SLC1A7: variants seen among roughly 807,000 people sequenced by gnomAD.
SLC1A7 encodes the protein solute carrier family 1 member 7, also known as excitatory amino acid transporter 5.
SLC1A7 carries 40 observed loss-of-function variants against 47.7 expected under a neutral mutation model. That is an observed-to-expected ratio of 0.84 (90% CI 0.65 to 1.09). The LOEUF (loss-of-function observed/expected upper bound fraction) is 1.09, where lower values mean the gene tolerates loss of function less well. Among genes scored for constraint, SLC1A7 ranks in the 50% least tolerant of loss-of-function variants. SLC1A7 has a pLI of 0.00. For synonymous variants in SLC1A7, 323 were observed against 325.6 expected, an observed-to-expected ratio of 0.99 and a Z score of 0.09; for missense variants, 746 against 769.5, an observed-to-expected ratio of 0.97 and a Z score of 0.36.
chr1:53,132,231 T>A (rs1393247578), intron 2 of SLC1A7, among the ~76,000 whole-genome samples: 1 of 152,148 alleles, frequency 6.6e-6, no homozygotes, highest in Non-Finnish European at 1.5e-5. Context: ...CCCAATCTGC[T>A]TTTCTCAAGA....
At chr1:53,121,169 G>T (rs1236089414) in intron 2 of SLC1A7, among the ~76,000 whole-genome samples, 1 of 152,248 alleles carries the variant, frequency 6.6e-6, no homozygotes, top group Non-Finnish European at 1.5e-5. Context: ...GTCTAGTTTG[G>T]CTCTAGGTCC....
intron 5 of SLC1A7, among the ~76,000 whole-genome samples, chr1:53,100,354 A>C (rs12736018): frequency 0.35 from 30,864 of 88,912 alleles, 3,227 homozygotes; most frequent in Middle Eastern, 0.48. Flanking sequence ...ACACAACCCA[A>C]CTCAGTACAC....
At chr1:53,125,739 T>C (rs1361336174) in intron 2 of SLC1A7, among the ~76,000 whole-genome samples, 1 of 152,258 alleles carries the variant, frequency 6.6e-6, no homozygotes, top group East Asian at 1.9e-4. Flanking sequence ...CAAGGGGCAG[T>C]GTGCAGACTT....
At chr1:53,125,482 C>G (rs1193104068) in intron 2 of SLC1A7, among the ~76,000 whole-genome samples, 1 of 152,160 alleles carries the variant, frequency 6.6e-6, no homozygotes, top group Non-Finnish European at 1.5e-5. Flanking sequence ...AAGACTAAGA[C>G]CTGAGCCCCA....
At chr1:53,098,522 C>T (rs1644529257) in intron 5 of SLC1A7, among the ~76,000 whole-genome samples, 1 of 150,160 alleles carries the variant, frequency 6.7e-6, no homozygotes, top group Non-Finnish European at 1.5e-5. Flanking sequence ...TCAGAACACT[C>T]ATATGCCCTG....
At chr1:53,107,366 C>T (rs1295477307) in intron 3 of SLC1A7, among the ~76,000 whole-genome samples, 1 of 151,976 alleles carries the variant, frequency 6.6e-6, no homozygotes, top group Admixed American at 6.6e-5. Flanking sequence ...AAAGGACATT[C>T]GTGGAAAAAC....
At chr1:53,125,922 G>T (rs916506953) in intron 2 of SLC1A7, among the ~76,000 whole-genome samples, 3 of 152,216 alleles carry the variant, frequency 2.0e-5, no homozygotes, top group South Asian at 2.1e-4. Context: ...GACACACTGG[G>T]CTTCCTGCTA....
At chr1:53,133,443 G>C (rs951383666) in intron 2 of SLC1A7, among the ~76,000 whole-genome samples, 1 of 152,156 alleles carries the variant, frequency 6.6e-6, no homozygotes, top group Non-Finnish European at 1.5e-5. Flanking sequence ...TTCACAAAGG[G>C]GGGAGGTCCA....
intron 5 of SLC1A7, among the ~76,000 whole-genome samples, chr1:53,098,740 C>A (rs2150320596): frequency 6.6e-6 from 1 of 151,242 alleles, no homozygotes; most frequent in East Asian, 2.0e-4. Flanking sequence ...CGCCTCGATA[C>A]ACTCACATTG....
chr1:53,114,356 G>C (rs141936229), intron 3 of SLC1A7, among the ~76,000 whole-genome samples: 1 of 152,174 alleles, frequency 6.6e-6, no homozygotes, highest in Non-Finnish European at 1.5e-5. Context: ...GTTGAATCCT[G>C]TCTCCACTAC....
chr1:53,089,770 G>C (rs751083102), intron 9 of SLC1A7, 30 bp downstream of exon 9: 18 of 1,611,900 alleles, frequency 1.1e-5, no homozygotes, highest in Non-Finnish European at 1.4e-5. Flanking sequence ...CCCTCCCAGA[G>C]GGCTAGAGCT....
rs1644370683 is a variant in SLC1A7, at chr1:53,087,282, T to A, written c.*727A>T. The A allele has an allele frequency of 6.6e-6, 1 of 152,238 alleles. No homozygotes were observed. The highest frequency in any genetic ancestry group is 2.4e-5 in the African/African-American group (1 of 41,450). The allele number at this position is 152,238 out of a possible 1,614,324, so 9.4% of individuals were successfully genotyped here. ...TTGGACGCACAGGCCTTTGGGGAGT[T>A]CTGACACCAGGGCCCCATCGGCAGC... On this transcript the variant is annotated 3_prime_UTR_variant, in exon 11 of 11. Transcript: ENST00000371494.
At chr1:53,130,990 C>G (rs117988682) in intron 2 of SLC1A7, among the ~76,000 whole-genome samples, 10 of 152,288 alleles carry the variant, frequency 6.6e-5, no homozygotes, top group South Asian at 4.1e-4. Flanking sequence ...ATATCTCCCC[C>G]CTGAAGGTTT....
At chr1:53,120,917 G>A (rs146750890) in intron 2 of SLC1A7, among the ~76,000 whole-genome samples, 4 of 152,376 alleles carry the variant, frequency 2.6e-5, no homozygotes, top group East Asian at 1.9e-4. Context: ...GGAAGCTCCC[G>A]TAAGCATCCC....
At chr1:53,105,516 T>C (rs1644630831) in intron 4 of SLC1A7, among the ~76,000 whole-genome samples, 1 of 152,126 alleles carries the variant, frequency 6.6e-6, no homozygotes, top group African/African-American at 2.4e-5. Context: ...CCACACTTTT[T>C]CATCATGAAA....
At chr1:53,129,908 CACGA>C (rs1644924669) in intron 2 of SLC1A7, among the ~76,000 whole-genome samples, 3 of 151,750 alleles carry the variant, frequency 2.0e-5, no homozygotes, top group African/African-American at 7.3e-5. Flanking sequence ...CAAAGATGCA[CACGA>C]CCCTGCCCAC....
At chr1:53,135,571 T>A (rs1644984119) in intron 1 of SLC1A7, among the ~76,000 whole-genome samples, 1 of 152,098 alleles carries the variant, frequency 6.6e-6, no homozygotes, top group Non-Finnish European at 1.5e-5. Context: ...CCTTGCCCAA[T>A]AAGCTGTCTC....
At chr1:53,133,813 G>A (rs530872940) in intron 2 of SLC1A7, among the ~76,000 whole-genome samples, 2 of 151,268 alleles carry the variant, frequency 1.3e-5, no homozygotes, top group Admixed American at 6.6e-5. Flanking sequence ...GCACCATCCC[G>A]CCCTTGTCCC....
In SLC1A7 at chr1:53,142,463, T is replaced by C. The variant is rs764826111; in HGVS notation, c.-14A>G. On this transcript the variant is annotated 5_prime_UTR_variant, in exon 1 of 11. Coordinates refer to ENST00000371494, the MANE Select transcript of SLC1A7 (RefSeq NM_006671.6). ...ATGCGGCACCATGGTGAGCCTGGCC[T>C]GCTGGCAAGGGGCACAGCACCATTC... The C allele has an allele frequency of 1.9e-6, 3 of 1,612,574 alleles. No individual in the cohort carries two copies. In the Admixed American group the frequency reaches 5.0e-5, roughly 27 times the overall value.
Sources: allele counts gnomAD v4.1 joint callset (sites outside exome capture counted in the v4.1 genomes callset), GRCh38; gene constraint gnomAD v4.1.1; transcripts MANE v1.5; gene names NCBI Gene and HGNC (gene_info 2026-07-23, HGNC 2026-07-21).